Variants in CTNNA2 observed in about 807,000 individuals in gnomAD.
The protein encoded by CTNNA2 is catenin alpha-2.
In CTNNA2, 42 loss-of-function variants were observed where a neutral mutation model predicts 101.0. The observed-to-expected ratio is 0.42, with a 90% confidence interval of 0.32 to 0.54. CTNNA2 has a LOEUF of 0.54. Among genes scored for constraint, CTNNA2 ranks in the 20% least tolerant of loss-of-function variants. The pLI, the probability that CTNNA2 is intolerant of heterozygous loss-of-function variation, is 0.14. For synonymous variants in CTNNA2, 450 were observed against 456.4 expected, an observed-to-expected ratio of 0.99 and a Z score of 0.18; for missense variants, 871 against 1,223.1, an observed-to-expected ratio of 0.71 and a Z score of 4.29.
intron 7 of CTNNA2, among the ~76,000 whole-genome samples, chr2:80,347,052 A>C (rs1183093597): frequency 1.3e-5 from 2 of 152,226 alleles, no homozygotes; most frequent in African/African-American, 4.8e-5. Flanking sequence ...AGAGAAGCTG[A>C]TACAGTAAAT....
At chr2:80,403,511 T>A (rs1678773107) in intron 8 of CTNNA2, among the ~76,000 whole-genome samples, 1 of 152,218 alleles carries the variant, frequency 6.6e-6, no homozygotes, top group Admixed American at 6.5e-5. Context: ...TTTATGGCAT[T>A]CCGAAGTACT....
intron 7 of CTNNA2, among the ~76,000 whole-genome samples, chr2:80,363,111 A>C (rs1674575869): frequency 6.6e-6 from 1 of 152,128 alleles, no homozygotes; most frequent in Non-Finnish European, 1.5e-5. Context: ...GACATGTCCT[A>C]AATAATTATT....
rs759744062 is a variant in CTNNA2, at chr2:80,303,427, G to A, written c.1057-89784G>A. ...GCAGGTTGGGCATGGGCCGGAAGGT[G>A]GTGTTGGGCAGTTGGGTGATCTGGT... On this transcript the variant is annotated intron_variant, in intron 7 of 18. Transcript: ENST00000402739. This position sits in a 1 kb window ranked among gnomAD's most constrained non-coding sequence, Gnocchi z 7.7. 2 of 1,614,210 alleles carry A rather than the reference G, an allele frequency of 1.2e-6. No homozygotes were observed. Among genetic ancestry groups the A allele is most frequent in the East Asian group, 2.2e-5 (1 of 44,874 alleles).
intron 7 of CTNNA2, among the ~76,000 whole-genome samples, chr2:79,978,917 C>T (rs1034657707): frequency 2.6e-5 from 4 of 152,110 alleles, no homozygotes; most frequent in African/African-American, 9.7e-5. Context: ...GCCCTCTTGA[C>T]ATAAAGAAAA....
intron 7 of CTNNA2, among the ~76,000 whole-genome samples, chr2:79,911,376 C>T (rs945057794): frequency 6.6e-6 from 1 of 152,186 alleles, no homozygotes; most frequent in African/African-American, 2.4e-5. Flanking sequence ...CTACAGAGAT[C>T]ACAGTGATGG....
At chr2:79,312,727 A>G (rs1016364205) in exon 3 of CTNNA2, 1 of 152,186 alleles carries the variant, frequency 6.6e-6, no homozygotes, top group Non-Finnish European at 1.5e-5. Flanking sequence ...ATACAGCTGG[A>G]TGTTTGTCAC....
intron 11 of CTNNA2, among the ~76,000 whole-genome samples, chr2:80,551,220 A>T (rs549450642): frequency 2.0e-4 from 31 of 152,322 alleles, no homozygotes; most frequent in African/African-American, 7.2e-4. Flanking sequence ...TCAGTAAACC[A>T]TGCTATAAAC....
Position 80,563,301 on chromosome 2 carries a change from C to A in CTNNA2, c.1741+7408C>A, listed in dbSNP as rs146893768. Among the ~76,000 whole-genome samples, 26 of 152,294 alleles carry A rather than the reference C, an allele frequency of 1.7e-4. 2 individuals are homozygous for A. Among genetic ancestry groups the A allele is most frequent in the African/African-American group, 6.3e-4 (26 of 41,558 alleles). On this transcript the variant is annotated intron_variant, in intron 12 of 18. Transcript: ENST00000402739. ...GTAGTAATGTCCTGTCACCCAGATT[C>A]TCTGACGGAGGGGAAACTGCCACAT...
chr2:80,296,985 T>C (rs1289005239), intron 7 of CTNNA2, among the ~76,000 whole-genome samples: 1 of 152,204 alleles, frequency 6.6e-6, no homozygotes, highest in African/African-American at 2.4e-5. Flanking sequence ...TATGGATGTC[T>C]CTACTTTACT....
At chr2:80,531,524 A>G (rs1690541014) in intron 9 of CTNNA2, among the ~76,000 whole-genome samples, 1 of 152,212 alleles carries the variant, frequency 6.6e-6, no homozygotes, top group African/African-American at 2.4e-5. Flanking sequence ...TTGAGAGGTA[A>G]GCCAGATGGC....
At chr2:79,886,465 A>T (rs946853033) in intron 6 of CTNNA2, among the ~76,000 whole-genome samples, 1 of 151,866 alleles carries the variant, frequency 6.6e-6, no homozygotes, top group Non-Finnish European at 1.5e-5. Context: ...AAAGAAGGAA[A>T]TGGCAGCCAG....
chr2:79,596,736 C>T (rs138393328), intron 1 of CTNNA2, among the ~76,000 whole-genome samples: 32 of 152,308 alleles, frequency 2.1e-4, no homozygotes, highest in African/African-American at 7.5e-4. Flanking sequence ...CTCTAAAACT[C>T]CTTCAAAGAG....
intron 7 of CTNNA2, among the ~76,000 whole-genome samples, chr2:80,353,093 C>G (rs1283327509): frequency 6.6e-6 from 1 of 152,064 alleles, no homozygotes; most frequent in Non-Finnish European, 1.5e-5. Flanking sequence ...TCTTGTTCCA[C>G]CAAAATGCTC....
intron 7 of CTNNA2, among the ~76,000 whole-genome samples, chr2:80,096,378 A>G (rs893661810): frequency 1.3e-5 from 2 of 152,236 alleles, no homozygotes; most frequent in African/African-American, 2.4e-5. Flanking sequence ...AGAGTTTTTT[A>G]TAATTTCTGT....
At chr2:80,215,649 G>A (rs576484567) in intron 7 of CTNNA2, among the ~76,000 whole-genome samples, 1 of 152,314 alleles carries the variant, frequency 6.6e-6, no homozygotes, top group Admixed American at 6.5e-5. Context: ...GCACCTGGCT[G>A]TATGAAGTGT....
At chr2:79,802,477 C>T (rs1382123816) in intron 3 of CTNNA2, among the ~76,000 whole-genome samples, 1 of 152,102 alleles carries the variant, frequency 6.6e-6, no homozygotes, top group Non-Finnish European at 1.5e-5. Context: ...TTCCTGGGGC[C>T]CTGATGATCC....
In CTNNA2 at chr2:80,034,354, C is replaced by CTTT. The variant is rs1199616310; in HGVS notation, c.1056+124572_1056+124574dup. ...AAAATGCTGAATTTCATTTTTTTTT[C>CTTT]TTTTTTTTTTTTTTTTTGATACGGA... On this transcript the variant is annotated intron_variant, in intron 7 of 18. Transcript: ENST00000402739. Among the ~76,000 whole-genome samples, 211 of 54,076 alleles carry CTTT rather than the reference C, an allele frequency of 3.9e-3. 1 individual carries two copies. The highest frequency in any genetic ancestry group is 0.018 in the East Asian group (16 of 868). The allele number at this position is 54,076 out of a possible 152,430, so 35.5% of individuals were successfully genotyped here. A position where few individuals can be genotyped will look rare whatever the true frequency, so the allele number is the denominator to read the frequency against.
chr2:79,929,487 C>T (rs1013922559), intron 7 of CTNNA2, among the ~76,000 whole-genome samples: 3 of 152,236 alleles, frequency 2.0e-5, no homozygotes, highest in African/African-American at 4.8e-5. Context: ...ATCTGAAGCA[C>T]TCTGAGCTGC....
intron 7 of CTNNA2, among the ~76,000 whole-genome samples, chr2:80,370,079 C>G (rs1447656783): frequency 6.6e-6 from 1 of 152,130 alleles, no homozygotes; most frequent in Non-Finnish European, 1.5e-5. Flanking sequence ...ATAGCTCACT[C>G]CAAGTAGCAA....
Sources: gnomAD v4.1 joint callset for allele counts (sites outside exome capture counted in the v4.1 genomes callset) on GRCh38, gnomAD v4.1.1 for gene constraint, Gnocchi (gnomAD v3.1) non-coding constraint, MANE v1.5 for transcripts, NCBI Gene and HGNC (gene_info 2026-07-23, HGNC 2026-07-21) for gene names.